USP14: variants seen among roughly 807,000 people sequenced by gnomAD.
USP14 encodes the protein ubiquitin carboxyl-terminal hydrolase 14.
A neutral mutation model predicts 76.5 loss-of-function variants in USP14; 38 were observed. That is an observed-to-expected ratio of 0.50 (90% confidence interval 0.38 to 0.65). The LOEUF (loss-of-function observed/expected upper bound fraction) is 0.65. Ranked by LOEUF, USP14 falls within the 30% of genes least tolerant of loss-of-function variation. The probability of loss-of-function intolerance (pLI) is 0.00; values close to 1 mark genes in which losing one functional copy is unlikely to be tolerated. For synonymous variants in USP14, 192 were observed against 191.7 expected (o/e 1.00, Z -0.01); for missense variants, 467 against 586.5 (o/e 0.80, Z 2.10).
chr18:163,794 C>G (rs184667382), intron 2 of USP14, among the ~76,000 whole-genome samples: 7 of 150,370 alleles, frequency 4.7e-5, no homozygotes, highest in Admixed American at 4.6e-4. Flanking sequence ...CACCCAGGTA[C>G]TAAGCATAGT....
intron 5 of USP14, among the ~76,000 whole-genome samples, chr18:185,127 T>C (rs28463286): frequency 0.016 from 2,360 of 152,038 alleles, 66 homozygotes; most frequent in African/African-American, 0.053. Flanking sequence ...AGTTACTAGG[T>C]TGCTGATTTT....
chr18:161,413 C>T (rs1283760877), intron 1 of USP14, among the ~76,000 whole-genome samples: 1 of 152,222 alleles, frequency 6.6e-6, no homozygotes, highest in Non-Finnish European at 1.5e-5. Flanking sequence ...CTCTCCTAGT[C>T]TCTGACTAAC....
At chr18:185,252 C>T (rs72856237) in intron 5 of USP14, among the ~76,000 whole-genome samples, 7,826 of 152,178 alleles carry the variant, frequency 0.051, 285 homozygotes, top group Middle Eastern at 0.1. Context: ...CTCTGCCTCC[C>T]GGCTTGAGCA....
At chr18:205,565 G>C (rs1317093954) in intron 13 of USP14, among the ~76,000 whole-genome samples, 1 of 152,178 alleles carries the variant, frequency 6.6e-6, no homozygotes, top group Non-Finnish European at 1.5e-5. Flanking sequence ...CTTTAGGCCA[G>C]GAGTTCGAGA....
intron 12 of USP14, among the ~76,000 whole-genome samples, chr18:204,001 A>AATG (rs1382789617): frequency 6.6e-6 from 1 of 152,178 alleles, no homozygotes; most frequent in Non-Finnish European, 1.5e-5. Context: ...ACATCTCCAT[A>AATG]GAGTCCTGGG....
intron 7 of USP14, among the ~76,000 whole-genome samples, 176 bp from the exon 8 acceptor site, chr18:197,440 G>A (rs566126625): frequency 1.2e-4 from 18 of 152,238 alleles, no homozygotes; most frequent in African/African-American, 4.3e-4. Flanking sequence ...GATGTCTGTT[G>A]AATGAATAAG....
In USP14 at chr18:213,909, G is replaced by GT. The variant is rs1371660462; in HGVS notation, c.*2629dup. 1 of 152,098 alleles carries GT rather than the reference G, an allele frequency of 6.6e-6. No homozygotes were observed. The highest frequency in any genetic ancestry group is 1.9e-4 in the East Asian group (1 of 5,190). 9.4% of individuals were successfully genotyped at this position (152,098 alleles called of 1,614,324 possible). On this transcript the variant is annotated 3_prime_UTR_variant, in exon 16 of 16. Coordinates refer to ENST00000261601, the MANE Select transcript of USP14 (RefSeq NM_005151.4). Reference sequence around the variant, plus strand: ...TTGTAAGGCTAGAAGGAAAAGTGAGGTTTTAGACTTCATTTCTTTTAAAGT... The same window carrying GT: ...TTGTAAGGCTAGAAGGAAAAGTGAGGTTTTTAGACTTCATTTCTTTTAAAGT...
At chr18:204,194 T>TAA (rs35327178) in intron 12 of USP14, among the ~76,000 whole-genome samples, 1 of 144,456 alleles carries the variant, frequency 6.9e-6, no homozygotes, top group Non-Finnish European at 1.5e-5. Flanking sequence ...GTATTTCAAA[T>TAA]AAAAAAAAAA....
At chr18:206,401 G>GT (rs1439442297) in intron 13 of USP14, among the ~76,000 whole-genome samples, 1 of 151,962 alleles carries the variant, frequency 6.6e-6, no homozygotes, top group Non-Finnish European at 1.5e-5. Flanking sequence ...TAATTGTACT[G>GT]TTTTTTTACT....
At chr18:196,533 A>AG in intron 6 of USP14, 104 bp from the exon 7 acceptor site, 1 of 1,386,340 alleles carries the variant, frequency 7.2e-7, no homozygotes, top group Non-Finnish European at 9.6e-7. Flanking sequence ...CAAAAAAAAA[A>AG]AAAATTAAGT....
At chr18:171,025 A>AAAAAATATATATATATATATATATAT (rs1327304974) in intron 3 of USP14, among the ~76,000 whole-genome samples, 5 of 47,650 alleles carry the variant, frequency 1.0e-4, no homozygotes, top group African/African-American at 2.6e-4. Flanking sequence ...AAAAAAAAAA[A>AAAAAATATATATATATATATATATAT]ATATATATAT....
chr18:207,691 G>GAATA (rs1910565810), intron 13 of USP14, among the ~76,000 whole-genome samples: 1 of 105,816 alleles, frequency 9.5e-6, no homozygotes, highest in African/African-American at 2.9e-5. Context: ...AAAATAAAAA[G>GAATA]TATTAAGTCT....
At chr18:209,370 T>C (rs1910611491) in intron 13 of USP14, among the ~76,000 whole-genome samples, 1 of 152,222 alleles carries the variant, frequency 6.6e-6, no homozygotes, top group Admixed American at 6.5e-5. Context: ...TTAAAGAACT[T>C]TGTGCTGTAT....
In USP14 at chr18:194,892, G is replaced by A. The variant is rs190313444; in HGVS notation, c.464-1745G>A. On this transcript the variant is annotated intron_variant, in intron 6 of 15. Coordinates refer to ENST00000261601, the MANE Select transcript of USP14 (RefSeq NM_005151.4). ...GTTACAGTGAGCTGAGATTGTGTCA[G>A]TGTACTCCAGCCTGGGCAACAGACT... 2.0e-5 allele frequency among the ~76,000 whole-genome samples: 3 copies of A among 152,290 alleles called. No individual in the cohort carries two copies. In the East Asian group the frequency reaches 5.8e-4, roughly 29 times the overall value.
chr18:201,570 C>T (rs1355537587), intron 10 of USP14, among the ~76,000 whole-genome samples: 1 of 152,176 alleles, frequency 6.6e-6, no homozygotes, highest in African/African-American at 2.4e-5. Context: ...AACATGGTGA[C>T]TTTTAAGAGA....
intron 6 of USP14, among the ~76,000 whole-genome samples, chr18:193,343 C>G (rs1910143685): frequency 6.6e-6 from 1 of 152,026 alleles, no homozygotes; most frequent in Non-Finnish European, 1.5e-5. Context: ...ATAACCCCCA[C>G]CTAATTTTGG....
At chr18:174,679 G>A (rs1177356445) in intron 3 of USP14, among the ~76,000 whole-genome samples, 1 of 149,762 alleles carries the variant, frequency 6.7e-6, no homozygotes, top group East Asian at 2.0e-4. Context: ...ATCATAGCTC[G>A]CTGCAGCCTT....
At chr18:195,437 TA>T (rs1371505513) in intron 6 of USP14, among the ~76,000 whole-genome samples, 11 of 152,262 alleles carry the variant, frequency 7.2e-5, no homozygotes, top group African/African-American at 2.2e-4. Flanking sequence ...ACATCTTGGG[TA>T]TTAATAAAAC....
chr18:183,153 C>T (rs1055014612), intron 5 of USP14, among the ~76,000 whole-genome samples: 8 of 152,012 alleles, frequency 5.3e-5, no homozygotes, highest in Non-Finnish European at 7.4e-5. Context: ...TTCCTCTTAT[C>T]CTTGGATGAT....
Sources: gnomAD v4.1 joint callset for allele counts (sites outside exome capture counted in the v4.1 genomes callset) on GRCh38, gnomAD v4.1.1 for gene constraint, MANE v1.5 for transcripts, NCBI Gene and HGNC (gene_info 2026-07-23, HGNC 2026-07-21) for gene names.